XKR6: variants seen among roughly 807,000 people sequenced by gnomAD.
XKR6 encodes the protein XK related 6, also known as XK-related protein 6.
In XKR6, 22 loss-of-function variants were observed where a neutral mutation model predicts 56.7. The observed-to-expected ratio is 0.39, with a 90% CI of 0.28 to 0.55. The LOEUF (loss-of-function observed/expected upper bound fraction) is 0.55, where lower values mean the gene tolerates loss of function less well. Ranked by LOEUF, XKR6 falls within the 20% of genes least tolerant of loss-of-function variation. The pLI is 0.66. For synonymous variants in XKR6, 524 were observed against 387.8 expected (o/e 1.35, Z -4.13); for missense variants, 852 against 889.0 (o/e 0.96, Z 0.53).
At chr8:10,927,751 C>T (rs1421713445) in intron 1 of XKR6, among the ~76,000 whole-genome samples, 1 of 152,156 alleles carries the variant, frequency 6.6e-6, no homozygotes, top group Non-Finnish European at 1.5e-5. Flanking sequence ...AATCTTGATG[C>T]TCTCCTGGGT....
At chr8:11,019,633 A>G (rs1798705269) in intron 1 of XKR6, among the ~76,000 whole-genome samples, 1 of 152,120 alleles carries the variant, frequency 6.6e-6, no homozygotes, top group Non-Finnish European at 1.5e-5. Flanking sequence ...AGGTGGTGTG[A>G]GCAGTGTGGC....
Position 11,137,111 on chromosome 8 carries a change from TC to T in XKR6, c.764+63464del, listed in dbSNP as rs796936441. The T allele has an allele frequency of 6.4e-5, 10 of 155,436 alleles. 2 individuals are homozygous for T. The highest frequency in any genetic ancestry group is 2.4e-4 in the African/African-American group (10 of 41,572). 9.6% of individuals were successfully genotyped at this position (155,436 alleles called of 1,614,324 possible). A position where few individuals can be genotyped will look rare whatever the true frequency, so the allele number is the denominator to read the frequency against. On this transcript the variant is annotated intron_variant, in intron 1 of 2. Coordinates refer to ENST00000416569, the MANE Select transcript of XKR6 (RefSeq NM_173683.4). Reference sequence around the variant, plus strand: ...ATGAATACTTATAAATGTCACCACCTCCCTCTCTGATGTTTCTGAAACCAGA... The same window carrying T: ...ATGAATACTTATAAATGTCACCACCTCCTCTCTGATGTTTCTGAAACCAGA...
chr8:11,120,715 GC>G (rs1799410877), intron 1 of XKR6, among the ~76,000 whole-genome samples: 1 of 152,114 alleles, frequency 6.6e-6, no homozygotes, highest in African/African-American at 2.4e-5. Context: ...CCAAAAAAGA[GC>G]CCGCATCGCC....
chr8:11,064,639 G>T (rs759079160), intron 1 of XKR6, among the ~76,000 whole-genome samples: 1 of 152,108 alleles, frequency 6.6e-6, no homozygotes, highest in Non-Finnish European at 1.5e-5. Context: ...TCAGATACTT[G>T]CATACTCTAT....
intron 1 of XKR6, among the ~76,000 whole-genome samples, chr8:11,107,340 C>T (rs1183021035): frequency 6.6e-6 from 1 of 152,060 alleles, no homozygotes; most frequent in Non-Finnish European, 1.5e-5. Flanking sequence ...GCTGAGACTA[C>T]AAGTGCACAC....
At chr8:11,003,875 G>C (rs7350066) in intron 1 of XKR6, among the ~76,000 whole-genome samples, 6 of 152,096 alleles carry the variant, frequency 3.9e-5, no homozygotes, top group African/African-American at 1.2e-4. Flanking sequence ...AGGGAGAAAA[G>C]AGTCCAGGTG....
chr8:10,973,125 C>T (rs1364517301), intron 1 of XKR6, among the ~76,000 whole-genome samples: 3 of 152,180 alleles, frequency 2.0e-5, no homozygotes, highest in Admixed American at 2.0e-4. Flanking sequence ...TGAGAACACG[C>T]ATTATAGGAC....
chr8:10,996,660 G>A (rs1489957671), intron 1 of XKR6, among the ~76,000 whole-genome samples: 1 of 152,140 alleles, frequency 6.6e-6, no homozygotes, highest in African/African-American at 2.4e-5. Context: ...GGGTGTGTTG[G>A]GTGAAGACTG....
intron 1 of XKR6, among the ~76,000 whole-genome samples, chr8:11,012,000 T>C (rs1406134613): frequency 2.0e-5 from 3 of 152,174 alleles, no homozygotes; most frequent in Admixed American, 6.5e-5. Flanking sequence ...AGGTGGGGTG[T>C]CCACATGTCT....
chr8:11,073,759 G>C (rs1055643847), intron 1 of XKR6, among the ~76,000 whole-genome samples: 8 of 152,210 alleles, frequency 5.3e-5, no homozygotes, highest in African/African-American at 1.7e-4. Context: ...CAAGAAGCTT[G>C]TTCTGCTGGC....
chr8:10,983,465 C>T (rs1469033312), intron 1 of XKR6, among the ~76,000 whole-genome samples: 2 of 151,918 alleles, frequency 1.3e-5, no homozygotes, highest in Non-Finnish European at 2.9e-5. Context: ...CAAAACCAAC[C>T]TCTGGAAAGA....
chr8:10,951,296 T>TGGGG (rs1437917540), intron 1 of XKR6, among the ~76,000 whole-genome samples: 2 of 90,004 alleles, frequency 2.2e-5, no homozygotes, highest in Non-Finnish European at 4.4e-5. Context: ...TGTGTGTGTG[T>TGGGG]GTGGGGGGGG....
intron 1 of XKR6, among the ~76,000 whole-genome samples, chr8:11,095,161 T>C (rs1478120280): frequency 6.6e-6 from 1 of 152,224 alleles, no homozygotes; most frequent in Non-Finnish European, 1.5e-5. Context: ...TATTAACTCA[T>C]GAGTAGCGTT....
intron 1 of XKR6, among the ~76,000 whole-genome samples, chr8:11,088,811 C>G (rs897423730): frequency 1.3e-5 from 2 of 152,194 alleles, no homozygotes; most frequent in African/African-American, 4.8e-5. Flanking sequence ...CCCTACAGTG[C>G]CTAGCCTAGC....
intron 2 of XKR6, among the ~76,000 whole-genome samples, chr8:10,917,905 C>T (rs902976164): frequency 6.6e-6 from 1 of 152,210 alleles, no homozygotes; most frequent in Non-Finnish European, 1.5e-5. Context: ...TTGTTTCTAG[C>T]ACAAAGATTC....
At chr8:10,911,631 G>C (rs1159117337) in intron 2 of XKR6, among the ~76,000 whole-genome samples, 1 of 143,336 alleles carries the variant, frequency 7.0e-6, no homozygotes, top group African/African-American at 2.6e-5. Flanking sequence ...ACAGAGAGGG[G>C]GTGAGTATAT....
intron 1 of XKR6, among the ~76,000 whole-genome samples, chr8:11,125,088 CAAA>C (rs534903006): frequency 6.4e-5 from 5 of 77,586 alleles, no homozygotes; most frequent in Non-Finnish European, 5.2e-5. Flanking sequence ...GACTCTGTCT[CAAA>C]AAAAAAAAAA....
chr8:11,021,633 C>T (rs982125464), intron 1 of XKR6, among the ~76,000 whole-genome samples: 7 of 152,270 alleles, frequency 4.6e-5, no homozygotes, highest in East Asian at 1.9e-4. Flanking sequence ...GGATCCCAAA[C>T]GCTCCAGAGT....
chr8:11,098,918 T>A (rs1486206932), intron 1 of XKR6, among the ~76,000 whole-genome samples: 4 of 151,906 alleles, frequency 2.6e-5, no homozygotes, highest in African/African-American at 7.3e-5. Flanking sequence ...GAAAAAAAAA[T>A]GATTATTAGG....
Sources: allele counts gnomAD v4.1 joint callset (sites outside exome capture counted in the v4.1 genomes callset), GRCh38; gene constraint gnomAD v4.1.1; transcripts MANE v1.5; gene names NCBI Gene and HGNC (gene_info 2026-07-23, HGNC 2026-07-21).